OGDH: variants seen among roughly 807,000 people sequenced by gnomAD.
OGDH encodes the protein 2-oxoglutarate dehydrogenase complex component E1.
OGDH carries 38 observed loss-of-function variants against 116.6 expected under a neutral mutation model. That is an observed-to-expected ratio of 0.33 (90% CI 0.25 to 0.43). The LOEUF (loss-of-function observed/expected upper bound fraction) is 0.43, where lower values mean the gene tolerates loss of function less well. Ranked by LOEUF, OGDH falls within the 20% of genes least tolerant of loss-of-function variation. OGDH has a pLI of 1.00. For synonymous variants in OGDH, 488 were observed against 533.3 expected (o/e 0.92, Z 1.17); for missense variants, 825 against 1,357.2 (o/e 0.61, Z 6.16).
At chr7:44,672,726 T>A (rs1787522663) in intron 5 of OGDH, among the ~76,000 whole-genome samples, 1 of 144,672 alleles carries the variant, frequency 6.9e-6, no homozygotes, top group African/African-American at 2.6e-5. Flanking sequence ...CACTGCAACC[T>A]CCGCCTCCTG....
At chr7:44,655,978 A>G (rs150548758) in intron 4 of OGDH, among the ~76,000 whole-genome samples, 25 of 152,320 alleles carry the variant, frequency 1.6e-4, no homozygotes, top group African/African-American at 5.1e-4. Flanking sequence ...TTCCCAGGAA[A>G]GTGCTGTTAT....
intron 1 of OGDH, among the ~76,000 whole-genome samples, chr7:44,609,025 A>G (rs1419188416): frequency 6.6e-6 from 1 of 152,172 alleles, no homozygotes; most frequent in Non-Finnish European, 1.5e-5. Flanking sequence ...GCTTTTTTAT[A>G]GCCACACCCA....
chr7:44,695,919 A>G, intron 12 of OGDH, 106 bp from the exon 13 acceptor site: 1 of 667,692 alleles, frequency 1.5e-6, no homozygotes. Flanking sequence ...TGCCAGGGGT[A>G]TGGTTGGGCT....
chr7:44,620,993 T>C (rs902368906), intron 1 of OGDH, among the ~76,000 whole-genome samples: 2 of 152,250 alleles, frequency 1.3e-5, no homozygotes, highest in African/African-American at 4.8e-5. Flanking sequence ...TTAGTGTCAG[T>C]TACAGAATTC....
At chr7:44,700,347 C>G (rs1487518374) in intron 19 of OGDH, 78 bp downstream of exon 19, 1 of 1,573,372 alleles carries the variant, frequency 6.4e-7, no homozygotes. Context: ...CTCAGAGAGC[C>G]TCTTGCTTGG....
intron 4 of OGDH, among the ~76,000 whole-genome samples, chr7:44,665,274 A>G (rs1456507084): frequency 3.4e-5 from 4 of 118,842 alleles, no homozygotes; most frequent in Non-Finnish European, 6.6e-5. Flanking sequence ...TACCATCACC[A>G]CCCTCCAGGT....
intron 12 of OGDH, among the ~76,000 whole-genome samples, chr7:44,695,262 A>C (rs1401118464): frequency 6.6e-6 from 1 of 151,992 alleles, no homozygotes. Flanking sequence ...CGCCTAGCTA[A>C]TTTTTGTATT....
chr7:44,688,623 G>C (rs1320433757), intron 10 of OGDH, among the ~76,000 whole-genome samples: 7 of 151,434 alleles, frequency 4.6e-5, no homozygotes, highest in African/African-American at 1.7e-4. Flanking sequence ...GTAGAGATGG[G>C]GTTTCACCCT....
intron 2 of OGDH, among the ~76,000 whole-genome samples, chr7:44,642,343 G>A (rs1785979689): frequency 6.6e-6 from 1 of 152,192 alleles, no homozygotes; most frequent in South Asian, 2.1e-4. Context: ...AGAATCACTT[G>A]AGCCCCGGAG....
intron 4 of OGDH, 171 bp from the exon 5 acceptor site, chr7:44,666,565 C>A (rs989850681): frequency 1.3e-5 from 5 of 378,938 alleles, no homozygotes; most frequent in African/African-American, 1.0e-4. Flanking sequence ...GTTTGTGTTT[C>A]TGGCTGTAAA....
In OGDH at chr7:44,707,142, G is replaced by A; in HGVS notation, c.2633-83G>A. 1 of 1,458,472 alleles carries A rather than the reference G, an allele frequency of 6.9e-7. No individual in the cohort carries two copies. Among genetic ancestry groups the A allele is most frequent in the Non-Finnish European group, 9.4e-7 (1 of 1,065,874 alleles). 90.3% of individuals were successfully genotyped at this position (1,458,472 alleles called of 1,614,324 possible). A position where few individuals can be genotyped will look rare whatever the true frequency, so the allele number is the denominator to read the frequency against. On this transcript the variant is annotated intron_variant, in intron 20 of 22. Coordinates refer to ENST00000222673, the MANE Select transcript of OGDH (RefSeq NM_002541.4). This position sits in a 1 kb window ranked among gnomAD's most constrained non-coding sequence, Gnocchi z 5.2. ...TTGAAAGCTGCGTCTCCTGGCAGCA[G>A]TCCCTGGCACAGCCCTGGGCCCAGG...
chr7:44,706,877 G>C (rs1481972136), intron 20 of OGDH, among the ~76,000 whole-genome samples: 1 of 152,104 alleles, frequency 6.6e-6, no homozygotes, highest in Non-Finnish European at 1.5e-5. Context: ...GCCCGCCTCA[G>C]CTTCCCAAAG....
At chr7:44,655,813 A>G (rs888535545) in intron 4 of OGDH, among the ~76,000 whole-genome samples, 1 of 152,178 alleles carries the variant, frequency 6.6e-6, no homozygotes, top group East Asian at 1.9e-4. Flanking sequence ...GCCTTCTTGA[A>G]ATGGGAGATC....
chr7:44,679,435 A>AC (rs1787835573), intron 9 of OGDH, among the ~76,000 whole-genome samples: 1 of 152,188 alleles, frequency 6.6e-6, no homozygotes, highest in African/African-American at 2.4e-5. Flanking sequence ...AAAAGGCAGG[A>AC]CACCTGCAGT....
Position 44,708,274 on chromosome 7 carries a change from T to G in OGDH, c.*275T>G, listed in dbSNP as rs1326590794. 1 of 398,128 alleles carries G rather than the reference T, an allele frequency of 2.5e-6. No homozygotes were observed. The highest frequency in any genetic ancestry group is 4.6e-6 in the Non-Finnish European group (1 of 217,248). 24.7% of individuals were successfully genotyped at this position (398,128 alleles called of 1,614,324 possible). A position where few individuals can be genotyped will look rare whatever the true frequency, so the allele number is the denominator to read the frequency against. On this transcript the variant is annotated 3_prime_UTR_variant, in exon 23 of 23. Transcript: ENST00000222673. ...GAGGAAAGGTAGCCCCCGAGGGATG[T>G]CCTTGGGGAGGGGTCAGCTCTGGCC... is the stretch of plus-strand genomic sequence containing the variant.
At chr7:44,695,642 G>C (rs1788548852) in intron 12 of OGDH, among the ~76,000 whole-genome samples, 1 of 151,716 alleles carries the variant, frequency 6.6e-6, no homozygotes, top group African/African-American at 2.4e-5. Context: ...GGCGGAAGTT[G>C]CAGTGAGGCA....
chr7:44,625,078 A>G lies in OGDH; in HGVS notation c.222+513A>G, dbSNP rs547824667. On this transcript the variant is annotated intron_variant, in intron 2 of 22. Transcript: ENST00000222673. ...CATTTTCTAAACTTTTCACCACATG[A>G]TTACTGATGTAAGTCATGTCTTGTT... Among the ~76,000 whole-genome samples the G allele has an allele frequency of 7.9e-5, 12 of 152,148 alleles. No homozygotes were observed. The East Asian group carries it at 2.3e-3, about 29-fold the overall frequency.
chr7:44,677,243 C>G (rs1009306465), intron 9 of OGDH, among the ~76,000 whole-genome samples: 2 of 152,090 alleles, frequency 1.3e-5, no homozygotes, highest in Non-Finnish European at 2.9e-5. Flanking sequence ...CCAGAGCCTC[C>G]TGTTCTTTTT....
Position 44,707,011 on chromosome 7 carries a change from C to T in OGDH, c.2633-214C>T, listed in dbSNP as rs1371459997. 6.6e-6 allele frequency among the ~76,000 whole-genome samples: 1 copy of T among 152,164 alleles called. No individual in the cohort carries two copies. The highest frequency in any genetic ancestry group is 2.4e-5 in the African/African-American group (1 of 41,432). Reference sequence around the variant, plus strand: ...GGTGTTACTTGATACCCAGAGCTGGCCATGTCTGCTGTGTATTTGTTACAC... The same window carrying T: ...GGTGTTACTTGATACCCAGAGCTGGTCATGTCTGCTGTGTATTTGTTACAC... On this transcript the variant is annotated intron_variant, in intron 20 of 22. Coordinates refer to ENST00000222673, the MANE Select transcript of OGDH (RefSeq NM_002541.4). This position sits in a 1 kb window ranked among gnomAD's most constrained non-coding sequence, Gnocchi z 5.2.
Sources: allele counts gnomAD v4.1 joint callset (sites outside exome capture counted in the v4.1 genomes callset), GRCh38; gene constraint gnomAD v4.1.1; non-coding constraint Gnocchi (gnomAD v3.1); transcripts MANE v1.5; gene names NCBI Gene and HGNC (gene_info 2026-07-23, HGNC 2026-07-21).